RIC1: variants seen among roughly 807,000 people sequenced by gnomAD.
RIC1 encodes guanine nucleotide exchange factor subunit RIC1.
A neutral mutation model predicts 169.0 loss-of-function variants in RIC1; 88 were observed. The ratio of observed to expected loss-of-function variants is 0.52; its 90% CI spans 0.44 to 0.62. RIC1 has a LOEUF of 0.62. RIC1 is among the 20% of genes least tolerant of loss of function. The pLI, the probability that RIC1 is intolerant of heterozygous loss-of-function variation, is 0.00. For synonymous variants in RIC1, 790 were observed against 601.5 expected (o/e 1.31, Z -4.59); for missense variants, 1,877 against 1,725.5 (o/e 1.09, Z -1.56).
intron 21 of RIC1, among the ~76,000 whole-genome samples, chr9:5,768,604 TC>T (rs1826963934): frequency 6.6e-6 from 1 of 152,216 alleles, no homozygotes; most frequent in African/African-American, 2.4e-5. Flanking sequence ...ACTTTGCCTC[TC>T]TATCCTTAGT....
At chr9:5,714,378 A>G (rs1439472490) in intron 4 of RIC1, among the ~76,000 whole-genome samples, 5 of 152,202 alleles carry the variant, frequency 3.3e-5, no homozygotes, top group South Asian at 2.1e-4. Context: ...GGAAGTTTAT[A>G]TACACTTGGA....
chr9:5,661,524 T>C (rs1163359540), intron 2 of RIC1, among the ~76,000 whole-genome samples: 1 of 152,204 alleles, frequency 6.6e-6, no homozygotes, highest in Non-Finnish European at 1.5e-5. Context: ...AGTTGGTTTG[T>C]AGTTCCCCTT....
intron 2 of RIC1, among the ~76,000 whole-genome samples, chr9:5,680,073 G>A (rs964415199): frequency 6.6e-6 from 1 of 152,132 alleles, no homozygotes; most frequent in East Asian, 1.9e-4. Flanking sequence ...TTTGTCAAAG[G>A]CCTTTTCTGC....
At chr9:5,746,442 A>C (rs970113923) in intron 11 of RIC1, among the ~76,000 whole-genome samples, 1 of 152,138 alleles carries the variant, frequency 6.6e-6, no homozygotes, top group African/African-American at 2.4e-5. Flanking sequence ...AGGATTTTTT[A>C]AAAGTTTTGT....
intron 2 of RIC1, among the ~76,000 whole-genome samples, chr9:5,684,992 C>T (rs1402074691): frequency 6.6e-6 from 1 of 151,492 alleles, no homozygotes. Flanking sequence ...AACCCCAACC[C>T]TGCATTCTTG....
chr9:5,671,958 G>C (rs1225653094), intron 2 of RIC1, among the ~76,000 whole-genome samples: 1 of 152,186 alleles, frequency 6.6e-6, no homozygotes, highest in Non-Finnish European at 1.5e-5. Context: ...GTCTGCTCCT[G>C]GAAGTGGACA....
intron 1 of RIC1, among the ~76,000 whole-genome samples, chr9:5,653,188 C>G (rs1818903077): frequency 6.6e-6 from 1 of 152,226 alleles, no homozygotes; most frequent in East Asian, 1.9e-4. Context: ...CAAAGACTGT[C>G]TTTTCTCTGT....
rs530300138 is a variant in RIC1, at chr9:5,745,924, C to G, written c.1096-7C>G. 1 of 1,608,972 alleles carries G rather than the reference C, an allele frequency of 6.2e-7. No homozygotes were observed. The highest frequency in any genetic ancestry group is 8.5e-7 in the Non-Finnish European group (1 of 1,176,274). On this transcript the variant is annotated splice_region_variant and splice_polypyrimidine_tract_variant and intron_variant, in intron 10 of 25. Coordinates refer to ENST00000414202, the MANE Select transcript of RIC1 (RefSeq NM_020829.4). ...TGACTTTTTTTCTCCCTCCTCTTCT[C>G]TCTAAGAGCTGGGGTGCAGAAGGCT...
chr9:5,648,968 C>A (rs1818665616), intron 1 of RIC1, among the ~76,000 whole-genome samples: 1 of 152,058 alleles, frequency 6.6e-6, no homozygotes, highest in South Asian at 2.1e-4. Context: ...TATTTCTTTA[C>A]TCTGTTGGAT....
chr9:5,674,953 G>C (rs958167344), intron 2 of RIC1, among the ~76,000 whole-genome samples: 6 of 152,348 alleles, frequency 3.9e-5, no homozygotes, highest in African/African-American at 1.4e-4. Context: ...TCTAAATAAA[G>C]TGTTGGTGCC....
intron 3 of RIC1, among the ~76,000 whole-genome samples, chr9:5,709,554 G>A (rs1304609517): frequency 1.3e-5 from 2 of 152,124 alleles, no homozygotes; most frequent in Non-Finnish European, 1.5e-5. Context: ...TGTATAGAAC[G>A]TTTTGTACAC....
chr9:5,712,455 T>C (rs1167067326), intron 3 of RIC1, among the ~76,000 whole-genome samples: 1 of 152,158 alleles, frequency 6.6e-6, no homozygotes, highest in East Asian at 1.9e-4. Context: ...GACAAAGGGC[T>C]AATATCCAGC....
At chr9:5,753,031 T>C (rs1825813219) in intron 12 of RIC1, among the ~76,000 whole-genome samples, 169 bp from the exon 13 acceptor site, 1 of 152,206 alleles carries the variant, frequency 6.6e-6, no homozygotes, top group Non-Finnish European at 1.5e-5. Flanking sequence ...TAACGTAAGA[T>C]GTAAAACATT....
At chr9:5,705,949 A>G (rs1822560650) in intron 3 of RIC1, among the ~76,000 whole-genome samples, 1 of 152,176 alleles carries the variant, frequency 6.6e-6, no homozygotes, top group Admixed American at 6.5e-5. Flanking sequence ...ATTGTATTAC[A>G]TTGATTTTCA....
rs143556661 is a variant in RIC1 at position 5,703,245 on chromosome 9, G to A, written c.333-10651G>A. Among the ~76,000 whole-genome samples the A allele has an allele frequency of 2.5e-3, 380 of 152,220 alleles. 2 individuals carry two copies. The highest frequency in any genetic ancestry group is 8.7e-3 in the African/African-American group (363 of 41,524). ...AATACAGACATTGGTTAATACTCCCGTTCCGAAAGGGAAGAATCAGCCAAA... is the reference window on the plus strand; with the variant it reads ...AATACAGACATTGGTTAATACTCCCATTCCGAAAGGGAAGAATCAGCCAAA... On this transcript the variant is annotated intron_variant, in intron 3 of 25. Transcript: ENST00000414202.
Position 5,656,701 on chromosome 9 carries a change from T to A in RIC1, c.252+11T>A. 2 of 1,433,946 alleles carry A rather than the reference T, an allele frequency of 1.4e-6. No homozygotes were observed. Among genetic ancestry groups the A allele is most frequent in the Non-Finnish European group, 9.7e-7 (1 of 1,027,802 alleles). The allele number at this position is 1,433,946 out of a possible 1,614,324, so 88.8% of individuals were successfully genotyped here. A position where few individuals can be genotyped will look rare whatever the true frequency, so the allele number is the denominator to read the frequency against. On this transcript the variant is annotated intron_variant, in intron 2 of 25. Coordinates refer to ENST00000414202, the MANE Select transcript of RIC1 (RefSeq NM_020829.4). Reference sequence around the variant, plus strand: ...ATGATAGCTGTATCAGTAAGTAGATTTTACCGCTAAATAGTGTTTTCTTAT... The same window carrying A: ...ATGATAGCTGTATCAGTAAGTAGATATTACCGCTAAATAGTGTTTTCTTAT...
chr9:5,676,682 A>G (rs1820469085), intron 2 of RIC1, among the ~76,000 whole-genome samples: 1 of 152,234 alleles, frequency 6.6e-6, no homozygotes, highest in Non-Finnish European at 1.5e-5. Context: ...TGGGGTTTAA[A>G]GAAAAAAATT....
chr9:5,653,941 T>G (rs886824162), intron 1 of RIC1, among the ~76,000 whole-genome samples: 2 of 152,208 alleles, frequency 1.3e-5, no homozygotes, highest in African/African-American at 2.4e-5. Flanking sequence ...CATTAGTGTT[T>G]TGTAACTTTT....
At chr9:5,689,209 C>T (rs544137455) in intron 2 of RIC1, among the ~76,000 whole-genome samples, 76 of 151,736 alleles carry the variant, frequency 5.0e-4, no homozygotes, top group African/African-American at 1.1e-3. Flanking sequence ...CCACCACGCC[C>T]GGCTAATTTT....
Sources: gnomAD v4.1 joint callset for allele counts (sites outside exome capture counted in the v4.1 genomes callset) on GRCh38, gnomAD v4.1.1 for gene constraint, MANE v1.5 for transcripts, NCBI Gene and HGNC (gene_info 2026-07-23, HGNC 2026-07-21) for gene names.